The following ENOX1 variants were observed in gnomAD, a reference collection of about 807,000 sequenced individuals.
ENOX1 encodes the protein ecto-NOX disulfide-thiol exchanger 1.
ENOX1 carries 42 observed loss-of-function variants against 82.5 expected under a neutral mutation model. The observed-to-expected ratio is 0.51, with a 90% CI of 0.40 to 0.66. The LOEUF (loss-of-function observed/expected upper bound fraction) is 0.66. ENOX1 is among the 30% of genes least tolerant of loss of function. The pLI is 0.00. For missense variants in ENOX1, 608 were observed against 811.6 expected, an observed-to-expected ratio of 0.75 and a Z score of 3.05; for synonymous variants, 271 against 282.2, an observed-to-expected ratio of 0.96 and a Z score of 0.40.
At chr13:43,522,360 A>G (rs1322303074) in intron 2 of ENOX1, among the ~76,000 whole-genome samples, 2 of 152,138 alleles carry the variant, frequency 1.3e-5, no homozygotes, top group African/African-American at 2.4e-5. Context: ...AATATAGTGG[A>G]GCTGATGAAT....
At chr13:43,494,368 GTA>G (rs2076722558) in intron 2 of ENOX1, among the ~76,000 whole-genome samples, 1 of 152,066 alleles carries the variant, frequency 6.6e-6, no homozygotes, top group Non-Finnish European at 1.5e-5. Flanking sequence ...CAGAGACCAC[GTA>G]CATCATGTTT....
chr13:43,558,212 G>T (rs2079526600), intron 2 of ENOX1, among the ~76,000 whole-genome samples: 1 of 152,176 alleles, frequency 6.6e-6, no homozygotes, highest in Admixed American at 6.5e-5. Flanking sequence ...CCAGCTGCTA[G>T]TCAACAGCTG....
chr13:43,463,756 G>A (rs757331557), intron 3 of ENOX1, among the ~76,000 whole-genome samples: 7 of 152,040 alleles, frequency 4.6e-5, no homozygotes, highest in Non-Finnish European at 7.4e-5. Context: ...CTTTTAAACT[G>A]GCAAACTGGG....
chr13:43,688,314 A>G (rs2086180062), intron 1 of ENOX1, among the ~76,000 whole-genome samples: 1 of 152,190 alleles, frequency 6.6e-6, no homozygotes, highest in Admixed American at 6.5e-5. Context: ...ACCACTTAGG[A>G]TGCTATTTCA....
At position 43,440,656 on chromosome 13, in the gene ENOX1, G is replaced by A. The variant is rs1248563875; in HGVS notation, c.-74-27668C>T. ...ACCAATCAGAAAACTAAAAATAAGA[G>A]CAACCTTAGATGAATGCCTAAAACT... On this transcript the variant is annotated intron_variant, in intron 3 of 16. Transcript: ENST00000690772. Among the ~76,000 whole-genome samples the A allele has an allele frequency of 2.0e-5, 3 of 151,972 alleles. No homozygotes were observed. The East Asian group carries it at 5.8e-4, about 29-fold the overall frequency.
intron 1 of ENOX1, among the ~76,000 whole-genome samples, chr13:43,724,437 G>A (rs145513439): frequency 5.3e-5 from 8 of 151,842 alleles, no homozygotes; most frequent in Middle Eastern, 3.4e-3. Flanking sequence ...ATGAAAGGAC[G>A]GGGAGGGAAT....
chr13:43,606,089 A>C (rs922810176), intron 2 of ENOX1, among the ~76,000 whole-genome samples: 6 of 152,212 alleles, frequency 3.9e-5, no homozygotes, highest in African/African-American at 7.2e-5. Flanking sequence ...AGAGAAATGC[A>C]AATCAAAAGT....
chr13:43,619,742 G>GT (rs1566650044), intron 2 of ENOX1, among the ~76,000 whole-genome samples: 1 of 152,054 alleles, frequency 6.6e-6, no homozygotes, highest in Non-Finnish European at 1.5e-5. Context: ...CTTGGTTTTG[G>GT]TATTAGGGTG....
At chr13:43,259,545 T>G (rs1020319934) in intron 14 of ENOX1, among the ~76,000 whole-genome samples, 1 of 152,166 alleles carries the variant, frequency 6.6e-6, no homozygotes, top group Non-Finnish European at 1.5e-5. Context: ...CTCGGCTTAC[T>G]GCTACCTCTG....
intron 2 of ENOX1, among the ~76,000 whole-genome samples, chr13:43,649,106 A>T (rs556944126): frequency 6.6e-6 from 1 of 152,350 alleles, no homozygotes; most frequent in East Asian, 1.9e-4. Context: ...CTGATATCCA[A>T]ATCATACACA....
chr13:43,315,339 A>G (rs1484239614), intron 11 of ENOX1, among the ~76,000 whole-genome samples: 1 of 152,240 alleles, frequency 6.6e-6, no homozygotes, highest in East Asian at 1.9e-4. Flanking sequence ...ACAGGTGAGC[A>G]TTTGACAAAA....
chr13:43,335,566 A>G (rs1270662914), intron 9 of ENOX1, among the ~76,000 whole-genome samples: 1 of 152,130 alleles, frequency 6.6e-6, no homozygotes, highest in Non-Finnish European at 1.5e-5. Flanking sequence ...TCAAAGTGAC[A>G]GAGTTTTCAT....
intron 15 of ENOX1, among the ~76,000 whole-genome samples, chr13:43,224,931 A>G (rs2041955835): frequency 6.6e-6 from 1 of 152,240 alleles, no homozygotes; most frequent in South Asian, 2.1e-4. Flanking sequence ...AATAGTGAAC[A>G]TGAGGAAGTC....
intron 2 of ENOX1, chr13:43,547,942 C>A (rs2079038816): frequency 6.6e-6 from 1 of 152,230 alleles, no homozygotes. Context: ...GATGTCCCCA[C>A]TGCTGTGGGC....
chr13:43,281,351 T>C (rs2045371788), intron 12 of ENOX1, among the ~76,000 whole-genome samples: 1 of 152,076 alleles, frequency 6.6e-6, no homozygotes, highest in Admixed American at 6.5e-5. Flanking sequence ...GTGTAGAAAA[T>C]TATCATCTTA....
chr13:43,397,720 A>G (rs1448708075), intron 5 of ENOX1, among the ~76,000 whole-genome samples: 1 of 152,256 alleles, frequency 6.6e-6, no homozygotes, highest in Non-Finnish European at 1.5e-5. Flanking sequence ...CCTGTTAAAG[A>G]GGAAAATATA....
intron 3 of ENOX1, among the ~76,000 whole-genome samples, chr13:43,464,197 G>A (rs985383313): frequency 6.6e-6 from 1 of 152,088 alleles, no homozygotes; most frequent in Admixed American, 6.6e-5. Context: ...AAAGTAGCAT[G>A]TTCAAAATCA....
At chr13:43,536,875 A>G (rs909183814) in intron 2 of ENOX1, among the ~76,000 whole-genome samples, 3 of 152,244 alleles carry the variant, frequency 2.0e-5, no homozygotes, top group Non-Finnish European at 4.4e-5. Flanking sequence ...TGTATCAGAT[A>G]CATATGGAGG....
intron 2 of ENOX1, among the ~76,000 whole-genome samples, chr13:43,515,803 C>T (rs548419767): frequency 6.6e-6 from 1 of 151,982 alleles, no homozygotes; most frequent in South Asian, 2.1e-4. Flanking sequence ...GATCAGAGTT[C>T]CTCCAGGATG....
Sources: gnomAD v4.1 joint callset for allele counts (sites outside exome capture counted in the v4.1 genomes callset) on GRCh38, gnomAD v4.1.1 for gene constraint, MANE v1.5 for transcripts, NCBI Gene and HGNC (gene_info 2026-07-23, HGNC 2026-07-21) for gene names.